The following HTR4 variants were observed in gnomAD, a reference collection of about 807,000 sequenced individuals.
HTR4 encodes 5-hydroxytryptamine (serotonin) receptor 4, G protein-coupled.
HTR4 carries 16 observed loss-of-function variants against 36.8 expected under a neutral mutation model. The ratio of observed to expected loss-of-function variants is 0.43; its 90% CI spans 0.29 to 0.66. The LOEUF is 0.66. Ranked by LOEUF, HTR4 falls within the 30% of genes least tolerant of loss-of-function variation. The pLI is 0.13. For missense variants in HTR4, 438 were observed against 490.9 expected (o/e 0.89, Z 1.02); for synonymous variants, 189 against 185.1 (o/e 1.02, Z -0.17).
chr5:148,523,337 G>T lies in HTR4; in HGVS notation c.363C>A (p.Ala121=). ...TATAGACCAAAGGCTGGCAGCAGAT[G>T]GCGTAATACCTGGAGAGAGAATAGA... ...LCCISLDRYY[A]ICCQPLVYRN... The change falls in exon 5 of 7, where the codon GCC becomes GCA. Residue 121 remains alanine, a synonymous_variant. Transcript: ENST00000377888. The T allele has an allele frequency of 1.9e-6, 3 of 1,609,114 alleles. No individual in the cohort carries two copies. Among genetic ancestry groups the T allele is most frequent in the Non-Finnish European group, 2.5e-6 (3 of 1,178,144 alleles).
chr5:148,613,723 A>G (rs1203465373), intron 2 of HTR4, among the ~76,000 whole-genome samples: 1 of 148,542 alleles, frequency 6.7e-6, no homozygotes, highest in Non-Finnish European at 1.5e-5. Flanking sequence ...TTCAATTAGG[A>G]AAAGAGGAAG....
At chr5:148,602,901 T>A (rs1052918342) in intron 2 of HTR4, among the ~76,000 whole-genome samples, 15 of 152,110 alleles carry the variant, frequency 9.9e-5, no homozygotes, top group African/African-American at 3.6e-4. Flanking sequence ...AATGGAGAAA[T>A]TCCCAGAAAA....
At chr5:148,529,375 A>T (rs1758441228) in intron 4 of HTR4, among the ~76,000 whole-genome samples, 1 of 152,114 alleles carries the variant, frequency 6.6e-6, no homozygotes, top group Non-Finnish European at 1.5e-5. Flanking sequence ...TGATTGAATC[A>T]CGGGAGTGCG....
chr5:148,548,916 G>GA (rs771644569), intron 3 of HTR4, 48 bp from the exon 4 acceptor site: 7 of 1,323,468 alleles, frequency 5.3e-6, no homozygotes, highest in Non-Finnish European at 6.5e-6. Context: ...GGGATGAAGG[G>GA]AAAAAGGGGA....
At chr5:148,542,723 A>C (rs900056571) in intron 4 of HTR4, among the ~76,000 whole-genome samples, 2 of 152,204 alleles carry the variant, frequency 1.3e-5, no homozygotes, top group African/African-American at 4.8e-5. Flanking sequence ...AAAATGGTTA[A>C]AAGTCTGAAA....
At chr5:148,475,626 A>C (rs1425116578), downstream of HTR4, among the ~76,000 whole-genome samples, 1 of 152,176 alleles carries the variant, frequency 6.6e-6, no homozygotes, top group Non-Finnish European at 1.5e-5. Context: ...GCCTTCTCAG[A>C]TTAGACAACT....
intron 2 of HTR4, among the ~76,000 whole-genome samples, chr5:148,600,976 CAAAAAAAAAAAAA>C (rs58003522): frequency 7.4e-5 from 1 of 13,546 alleles, no homozygotes; most frequent in Admixed American, 7.5e-4. Context: ...AACTCAATAG[CAAAAAAAAAAAAA>C]AAAAAAAAAA....
chr5:148,563,862 C>G (rs1449158830), intron 2 of HTR4, among the ~76,000 whole-genome samples: 1 of 152,094 alleles, frequency 6.6e-6, no homozygotes, highest in Non-Finnish European at 1.5e-5. Flanking sequence ...CTTTGGTACC[C>G]CAAAGAGGTC....
At chr5:148,510,966 A>G (rs1757470057) in intron 5 of HTR4, among the ~76,000 whole-genome samples, 1 of 152,200 alleles carries the variant, frequency 6.6e-6, no homozygotes, top group African/African-American at 2.4e-5. Flanking sequence ...GAACCCAACC[A>G]GAGTTAGAAC....
chr5:148,599,974 A>T (rs1220467006), intron 2 of HTR4, among the ~76,000 whole-genome samples: 1 of 151,730 alleles, frequency 6.6e-6, no homozygotes, highest in Non-Finnish European at 1.5e-5. Context: ...ATAATAAAAG[A>T]CAAATTGGAA....
intron 2 of HTR4, among the ~76,000 whole-genome samples, chr5:148,589,519 C>G (rs1326982647): frequency 6.6e-6 from 1 of 151,990 alleles, no homozygotes; most frequent in African/African-American, 2.4e-5. Context: ...TAGGAATTGT[C>G]TTGTTTCTCA....
chr5:148,520,546 G>A (rs1757961918), intron 5 of HTR4, among the ~76,000 whole-genome samples: 2 of 152,140 alleles, frequency 1.3e-5, no homozygotes, highest in South Asian at 4.1e-4. Context: ...CTCAGATACA[G>A]TCCCCACTAC....
intron 4 of HTR4, among the ~76,000 whole-genome samples, chr5:148,525,623 T>A (rs1758233109): frequency 6.6e-6 from 1 of 152,172 alleles, no homozygotes; most frequent in East Asian, 1.9e-4. Context: ...GGGCTGGGGA[T>A]TCATTCCTGC....
At chr5:148,512,036 C>A (rs1249207009) in intron 5 of HTR4, among the ~76,000 whole-genome samples, 4 of 152,168 alleles carry the variant, frequency 2.6e-5, no homozygotes, top group African/African-American at 9.7e-5. Context: ...GCATGTGAGA[C>A]TGAGTTTCTG....
chr5:148,504,575 T>C (rs1166331197), intron 6 of HTR4, among the ~76,000 whole-genome samples: 1 of 151,928 alleles, frequency 6.6e-6, no homozygotes, highest in Non-Finnish European at 1.5e-5. Context: ...AACATCACAA[T>C]TAAAAGAACT....
intron 5 of HTR4, chr5:148,466,001 A>C: frequency 6.3e-7 from 1 of 1,578,576 alleles, no homozygotes; most frequent in Non-Finnish European, 8.5e-7. Flanking sequence ...AGAAAAAAAA[A>C]ACATAGAGAT....
chr5:148,533,304 T>C (rs1487148670), intron 4 of HTR4, among the ~76,000 whole-genome samples: 1 of 152,202 alleles, frequency 6.6e-6, no homozygotes, highest in African/African-American at 2.4e-5. Flanking sequence ...GAAGCAAGGA[T>C]ATTTACAAAG....
intron 6 of HTR4, among the ~76,000 whole-genome samples, chr5:148,502,662 G>T (rs1756996147): frequency 6.6e-6 from 1 of 152,226 alleles, no homozygotes; most frequent in South Asian, 2.1e-4. Context: ...ACTTTGACAA[G>T]TTGAGAGAAG....
chr5:148,516,312 CTTTTTTTTT>C (rs954784476), intron 5 of HTR4, among the ~76,000 whole-genome samples: 5 of 76,496 alleles, frequency 6.5e-5, no homozygotes, highest in African/African-American at 2.6e-4. Context: ...ATTCCCCCCT[CTTTTTTTTT>C]TTTTTTTTTT....
Sources: allele counts gnomAD v4.1 joint callset (sites outside exome capture counted in the v4.1 genomes callset), GRCh38; gene constraint gnomAD v4.1.1; transcripts MANE v1.5; gene names NCBI Gene and HGNC (gene_info 2026-07-23, HGNC 2026-07-21).